NECAB2: variants seen among roughly 807,000 people sequenced by gnomAD.
NECAB2 encodes N-terminal EF-hand calcium binding protein 2, also known as N-terminal EF-hand calcium-binding protein 2.
A neutral mutation model predicts 51.9 loss-of-function variants in NECAB2; 68 were observed. The observed-to-expected ratio is 1.31, with a 90% confidence interval of 1.08 to 1.60. NECAB2 has a LOEUF of 1.60. Ranked by LOEUF, NECAB2 falls within the 40% of genes most tolerant of loss-of-function variation. The pLI is 0.00. For synonymous variants in NECAB2, 329 were observed against 203.5 expected (o/e 1.62, Z -5.25); for missense variants, 854 against 490.3 (o/e 1.74, Z -7.00).
chr16:84,002,268 G>A (rs1190916503), intron 12 of NECAB2, 50 bp from the exon 13 acceptor site: 3 of 1,602,920 alleles, frequency 1.9e-6, no homozygotes, highest in Admixed American at 3.3e-5. Context: ...CCAGCTACGA[G>A]GCTGCCCACA....
intron 9 of NECAB2, 67 bp from the exon 10 acceptor site, chr16:83,998,138 C>T: frequency 1.4e-6 from 2 of 1,408,718 alleles, no homozygotes; most frequent in Non-Finnish European, 2.0e-6. Context: ...GTCATGGGGG[C>T]CTGATGGGGT....
chr16:84,001,041 C>T (rs1221846472), intron 11 of NECAB2, among the ~76,000 whole-genome samples: 2 of 152,140 alleles, frequency 1.3e-5, no homozygotes, highest in Non-Finnish European at 2.9e-5. Context: ...AGGGTTGCTT[C>T]TGTGCCCCTA....
upstream of NECAB2, chr16:83,965,315 A>T (rs774364981): frequency 6.3e-7 from 1 of 1,585,488 alleles, no homozygotes; most frequent in Non-Finnish European, 8.6e-7. Flanking sequence ...CGCCACAGGC[A>T]CGTTCGACAG....
At chr16:83,988,437 A>C (rs1283971613) in intron 5 of NECAB2, among the ~76,000 whole-genome samples, 1 of 152,192 alleles carries the variant, frequency 6.6e-6, no homozygotes, top group Non-Finnish European at 1.5e-5. Context: ...TCCCTTTGGG[A>C]ATAAAAATAA....
intron 2 of NECAB2, among the ~76,000 whole-genome samples, chr16:83,975,657 G>T (rs2084400420): frequency 6.6e-6 from 1 of 152,130 alleles, no homozygotes; most frequent in African/African-American, 2.4e-5. Flanking sequence ...AGCATGAGGG[G>T]CCTGACTGGC....
At chr16:83,979,411 T>C (rs7192831) in intron 3 of NECAB2, among the ~76,000 whole-genome samples, 43,761 of 152,064 alleles carry the variant, frequency 0.29, 11,269 homozygotes, top group African/African-American at 0.7. Context: ...ACAGTGGTGG[T>C]TTGGACCAGA....
chr16:84,002,054 T>G, intron 12 of NECAB2, 138 bp downstream of exon 12: 1 of 1,119,946 alleles, frequency 8.9e-7, no homozygotes, highest in Admixed American at 2.0e-5. Flanking sequence ...AATGCCAGGC[T>G]CAGAGCCAGC....
intron 1 of NECAB2, among the ~76,000 whole-genome samples, chr16:83,969,523 C>G (rs2084326215): frequency 6.6e-6 from 1 of 151,962 alleles, no homozygotes; most frequent in African/African-American, 2.4e-5. Context: ...CCACACCCCT[C>G]TACCCTACAG....
chr16:83,970,104 G>A (rs570725852), intron 1 of NECAB2, among the ~76,000 whole-genome samples: 57 of 152,340 alleles, frequency 3.7e-4, no homozygotes, highest in African/African-American at 1.3e-3. Flanking sequence ...GTCCTGGGCA[G>A]AGCCCTGCAG....
rs962759899 is a variant in NECAB2, at chr16:83,981,209, T to C, written c.459+82T>C. 6 of 1,325,306 alleles carry C rather than the reference T, an allele frequency of 4.5e-6. No homozygotes were observed. In the African/African-American group the frequency reaches 8.9e-5, roughly 20 times the overall value. 82.1% of individuals were successfully genotyped at this position (1,325,306 alleles called of 1,614,324 possible). A position where few individuals can be genotyped will look rare whatever the true frequency, so the allele number is the denominator to read the frequency against. ...CCCTTGCCTAAGGATGCCTGGATTT[T>C]TGAAGACAGGCCGCCAGGGAGGCCT... On this transcript the variant is annotated intron_variant, in intron 5 of 12. Coordinates refer to ENST00000305202, the MANE Select transcript of NECAB2 (RefSeq NM_019065.3).
intron 10 of NECAB2, among the ~76,000 whole-genome samples, chr16:83,999,323 C>G (rs943184152): frequency 1.9e-4 from 29 of 152,156 alleles, no homozygotes; most frequent in African/African-American, 7.0e-4. Flanking sequence ...GAGCAGGGGC[C>G]AGACTTGATC....
intron 10 of NECAB2, 112 bp downstream of exon 10, chr16:83,998,429 G>GAC: frequency 2.1e-6 from 2 of 962,746 alleles, no homozygotes; most frequent in South Asian, 1.6e-5. Context: ...GCACCCCAGG[G>GAC]ACACACACAG....
At chr16:83,998,413 C>G (rs1448347963) in intron 10 of NECAB2, 96 bp downstream of exon 10, 4 of 1,150,598 alleles carry the variant, frequency 3.5e-6, no homozygotes, top group Non-Finnish European at 5.0e-6. Flanking sequence ...CTAAGTAGTA[C>G]AAGTTGCACC....
chr16:83,979,120 T>G lies in NECAB2; in HGVS notation c.335+568T>G, dbSNP rs16962360. On this transcript the variant is annotated intron_variant, in intron 3 of 12. Transcript: ENST00000305202. ...TCTAAATCAAGTGGAAAATGCAGAT[T>G]CTACTCAGACTTACCCTTGACCCTT... Among the ~76,000 whole-genome samples, 927 of 152,296 alleles carry G rather than the reference T, an allele frequency of 6.1e-3. 8 individuals carry two copies. The highest frequency in any genetic ancestry group is 0.021 in the African/African-American group (871 of 41,554).
At chr16:83,969,347 C>T (rs1393197026) in intron 1 of NECAB2, among the ~76,000 whole-genome samples, 1 of 152,056 alleles carries the variant, frequency 6.6e-6, no homozygotes, top group African/African-American at 2.4e-5. Flanking sequence ...GCTCAAAGAC[C>T]CTTTGCCCCA....
At chr16:83,993,548 G>A (rs1449527751) in intron 6 of NECAB2, 1 of 154,198 alleles carries the variant, frequency 6.5e-6, no homozygotes, top group Non-Finnish European at 1.5e-5. Flanking sequence ...GCATCCTTTT[G>A]CATGGGAGGA....
At position 83,999,542 on chromosome 16, in the gene NECAB2, G is replaced by T. The variant is rs374914111; in HGVS notation, c.963-1182G>T. Among the ~76,000 whole-genome samples, 486 of 152,126 alleles carry T rather than the reference G, an allele frequency of 3.2e-3. 2 individuals are homozygous for T. The highest frequency in any genetic ancestry group is 0.011 in the African/African-American group (458 of 41,478). ...TCCACCCCAAGATGGAATCCAGCCC[G>T]GCCCCTTCCTCTAGGCTGAGCACTG... On this transcript the variant is annotated intron_variant, in intron 10 of 12. Transcript: ENST00000305202.
At position 84,002,510 on chromosome 16, in the gene NECAB2, C is replaced by A. The variant is rs142181195; in HGVS notation, c.*164C>A. 7 of 881,268 alleles carry A rather than the reference C, an allele frequency of 7.9e-6. No homozygotes were observed. The highest frequency in any genetic ancestry group is 2.1e-5 in the Admixed American group (1 of 46,660). The allele number at this position is 881,268 out of a possible 1,614,324, so 54.6% of individuals were successfully genotyped here. ...AAGTGAAGGAGGCCGCCCCTGCCCC[C>A]ACCTGAGAAGGCAGAGCAGTGTCTG... On this transcript the variant is annotated 3_prime_UTR_variant, in exon 13 of 13. Coordinates refer to ENST00000305202, the MANE Select transcript of NECAB2 (RefSeq NM_019065.3).
chr16:83,966,594 G>T (rs1037311175), upstream of NECAB2, among the ~76,000 whole-genome samples: 1 of 151,932 alleles, frequency 6.6e-6, no homozygotes, highest in East Asian at 1.9e-4. Context: ...CTGCAGCCCC[G>T]CCCCCTCCGC....
Sources: allele counts gnomAD v4.1 joint callset (sites outside exome capture counted in the v4.1 genomes callset), GRCh38; gene constraint gnomAD v4.1.1; transcripts MANE v1.5; gene names NCBI Gene and HGNC (gene_info 2026-07-23, HGNC 2026-07-21).